Variants in TUBGCP5 observed in about 807,000 individuals in gnomAD.
The protein encoded by TUBGCP5 is gamma-tubulin complex component 5.
A neutral mutation model predicts 134.7 loss-of-function variants in TUBGCP5; 98 were observed. That is an observed-to-expected ratio of 0.73 (90% CI 0.62 to 0.86). TUBGCP5 has a LOEUF of 0.86. Ranked by LOEUF, TUBGCP5 falls within the 40% of genes least tolerant of loss-of-function variation. The pLI is 0.00. For missense variants in TUBGCP5, 1,150 were observed against 1,244.8 expected (o/e 0.92, Z 1.15); for synonymous variants, 456 against 431.4 (o/e 1.06, Z -0.71).
Position 23,022,099 on chromosome 15 carries a change from C to G in TUBGCP5, c.1231G>C (p.Val411Leu). ...CCAGTACTAAACACTTTGTGCAGAACCTTGAGCTGAGACAATCGAGGTGCC... is the reference window on the plus strand; with the variant it reads ...CCAGTACTAAACACTTTGTGCAGAAGCTTGAGCTGAGACAATCGAGGTGCC... Reference protein sequence around the residue: ...KLAPRLSQLKVLHKVFSTGVA... With the variant: ...KLAPRLSQLKLLHKVFSTGVA... Residue 411 changes from valine to leucine, a missense_variant, in exon 11 of 23, where the codon GTT (valine) becomes CTT (leucine). Transcript: ENST00000615383. The G allele has an allele frequency of 6.2e-7, 1 of 1,614,192 alleles. No individual in the cohort carries two copies. Among genetic ancestry groups the G allele is most frequent in the Non-Finnish European group, 8.5e-7 (1 of 1,180,034 alleles).
chr15:23,028,363 G>C (rs1307216458), intron 6 of TUBGCP5, among the ~76,000 whole-genome samples: 1 of 125,756 alleles, frequency 8.0e-6, no homozygotes, highest in African/African-American at 3.2e-5. Flanking sequence ...CTGGGTGACA[G>C]AGCAGGGCCC....
In TUBGCP5 at chr15:23,022,159, T is replaced by C. The variant is rs1373977174; in HGVS notation, c.1171A>G (p.Thr391Ala). The C allele has an allele frequency of 1.2e-6, 2 of 1,613,804 alleles. No homozygotes were observed. The highest frequency in any genetic ancestry group is 2.7e-5 in the African/African-American group (2 of 75,038). Reference protein sequence around the residue: ...EIEKCIINNDTTITLAIVVDK... With the variant: ...EIEKCIINNDATITLAIVVDK... ...ACCACTATTGCAAGAGTTATTGTAG[T>C]ATCTGCAAATATCAATAAATCAAAC... Residue 391 changes from threonine to alanine, a missense_variant and splice_region_variant, in exon 11 of 23, where the codon ACT becomes GCT. By Grantham distance (58) the Thr-to-Ala change is moderately conservative. Coordinates refer to ENST00000615383, the MANE Select transcript of TUBGCP5 (RefSeq NM_052903.6).
intron 6 of TUBGCP5, among the ~76,000 whole-genome samples, chr15:23,029,514 C>T (rs2066178481): frequency 6.6e-6 from 1 of 152,162 alleles, no homozygotes; most frequent in Non-Finnish European, 1.5e-5. Context: ...AGCCACTGCA[C>T]CTGGCCTTTT....
At chr15:23,001,497 C>T (rs1595816077) in intron 21 of TUBGCP5, among the ~76,000 whole-genome samples, 1 of 151,628 alleles carries the variant, frequency 6.6e-6, no homozygotes, top group Non-Finnish European at 1.5e-5. Context: ...GCATGCACCA[C>T]CACGCCTGGC....
At chr15:23,015,985 C>A (rs2065290388) in intron 13 of TUBGCP5, among the ~76,000 whole-genome samples, 1 of 152,076 alleles carries the variant, frequency 6.6e-6, no homozygotes, top group South Asian at 2.1e-4. Context: ...CCCAAGAAAA[C>A]CAATAATTCT....
intron 11 of TUBGCP5, among the ~76,000 whole-genome samples, chr15:23,021,665 T>C (rs1161026567): frequency 6.6e-6 from 1 of 152,240 alleles, no homozygotes; most frequent in African/African-American, 2.4e-5. Context: ...CTATCTCATG[T>C]CATGTTAGTT....
chr15:23,027,236 C>A lies in TUBGCP5; in HGVS notation c.693G>T (p.Gln231His), dbSNP rs73409389. Residue 231 changes from glutamine to histidine, a missense_variant, in exon 7 of 23, where the codon CAG becomes CAT. Physicochemically the swap from Gln to His is conservative, Grantham distance 24. Coordinates refer to ENST00000615383, the MANE Select transcript of TUBGCP5 (RefSeq NM_052903.6). ...AGTGCAAATGTAAACTATGAGGAAA[C>A]TGGGAGGGCCTGGCTGTCCAGTACT... Reference protein sequence around the residue: ...VHQYWTARPSQFPHSLHLHSN... With the variant: ...VHQYWTARPSHFPHSLHLHSN... The A allele has an allele frequency of 0.013, 21,269 of 1,613,828 alleles. 883 individuals are homozygous for A. In the African/African-American group the frequency reaches 0.14, roughly 11 times the overall value.
At chr15:23,030,861 C>T (rs754598566) in intron 6 of TUBGCP5, 24 bp downstream of exon 6, 24 of 1,597,504 alleles carry the variant, frequency 1.5e-5, no homozygotes, top group African/African-American at 6.8e-5. Context: ...TTAGAAAATG[C>T]GAGCACCTCA....
intron 4 of TUBGCP5, 54 bp downstream of exon 4, chr15:23,032,674 T>C: frequency 2.4e-6 from 3 of 1,262,098 alleles, no homozygotes; most frequent in Non-Finnish European, 3.3e-6. Flanking sequence ...AGCAACTAAG[T>C]AATCAAACAA....
intron 4 of TUBGCP5, among the ~76,000 whole-genome samples, chr15:23,032,510 G>T (rs943780581): frequency 5.9e-5 from 9 of 152,050 alleles, no homozygotes; most frequent in East Asian, 3.9e-4. Flanking sequence ...GAATATTTTT[G>T]ATCTGTAGTT....
intron 21 of TUBGCP5, among the ~76,000 whole-genome samples, chr15:23,001,435 C>T (rs983852821): frequency 6.6e-6 from 1 of 151,708 alleles, no homozygotes; most frequent in Admixed American, 6.6e-5. Flanking sequence ...ACCTCTGCCT[C>T]CTGGGTTCAG....
chr15:23,029,748 G>A (rs114491379), intron 6 of TUBGCP5, among the ~76,000 whole-genome samples: 5,751 of 152,094 alleles, frequency 0.038, 374 homozygotes, highest in African/African-American at 0.13. Context: ...GCTGAGTGTG[G>A]TACACGCCTG....
At chr15:23,027,429 T>TATTTAAA in intron 6 of TUBGCP5, 123 bp from the exon 7 acceptor site, 16 of 704,394 alleles carry the variant, frequency 2.3e-5, no homozygotes, top group Admixed American at 5.1e-5. Flanking sequence ...AACAGCTACC[T>TATTTAAA]AACATTTATG....
intron 9 of TUBGCP5, 33 bp downstream of exon 9, chr15:23,024,704 T>C (rs779864573): frequency 8.8e-7 from 1 of 1,140,140 alleles, no homozygotes; most frequent in East Asian, 2.6e-5. Flanking sequence ...ATAAATCCTA[T>C]TTCTTAAATT....
intron 15 of TUBGCP5, among the ~76,000 whole-genome samples, chr15:23,009,304 TGTCGCCCAGGCTGGAGTGCA>T (rs1244347813): frequency 6.6e-6 from 1 of 151,618 alleles, no homozygotes; most frequent in Non-Finnish European, 1.5e-5. Context: ...AGTCTTGCTC[TGTCGCCCAGGCTGGAGTGCA>T]GTGGCCCGAT....
At chr15:23,002,526 T>C (rs1221569744) in intron 21 of TUBGCP5, among the ~76,000 whole-genome samples, 2 of 152,236 alleles carry the variant, frequency 1.3e-5, no homozygotes, top group East Asian at 3.8e-4. Context: ...CACTTGCCTA[T>C]GTGATGTGTG....
Position 23,008,800 on chromosome 15 carries a change from A to G in TUBGCP5, c.2226T>C (p.Ile742=). The G allele has an allele frequency of 1.2e-6, 2 of 1,602,840 alleles. No individual in the cohort carries two copies. The highest frequency in any genetic ancestry group is 1.7e-6 in the Non-Finnish European group (2 of 1,177,576). Residue 742 remains isoleucine, a synonymous_variant, in exon 16 of 23, where the codon ATT becomes ATC. Coordinates refer to ENST00000615383, the MANE Select transcript of TUBGCP5 (RefSeq NM_052903.6). ...GDTMYDFYTS[I]FDKIREKETW... is the part of the protein sequence containing the mutation. ...TTTCCTTTTCTCTTATTTTATCAAA[A>G]ATTGACGTGTAGAAGTCATACATGG... is the stretch of plus-strand genomic sequence containing the variant.
At position 23,010,095 on chromosome 15, in the gene TUBGCP5, G is replaced by C; in HGVS notation, c.1994C>G (p.Ala665Gly). ...LEQSDFHEKF[A>G]GGDVCVDRSS... ...TCTATCCACACATACATCACCACCA[G>C]CAAACTTCTCGTGAAAGTCACTCTG... Residue 665 changes from alanine (A) to glycine (G), a missense_variant, in exon 15 of 23, where the codon GCT becomes GGT. Physicochemically the swap from Ala to Gly is moderately conservative, Grantham distance 60. Around this residue, in one of 2 missense-constraint regions of TUBGCP5, gnomAD observed 697 missense variants for 850.1 expected, o/e 0.82. Coordinates refer to ENST00000615383, the MANE Select transcript of TUBGCP5 (RefSeq NM_052903.6). 3.7e-6 allele frequency: 6 copies of C among 1,613,794 alleles called. No homozygotes were observed. The highest frequency in any genetic ancestry group is 5.1e-6 in the Non-Finnish European group (6 of 1,179,848).
At chr15:22,986,266 A>G (rs907818276) in intron 23 of TUBGCP5, among the ~76,000 whole-genome samples, 1 of 152,136 alleles carries the variant, frequency 6.6e-6, no homozygotes, top group African/African-American at 2.4e-5. Context: ...ATGGAAAACA[A>G]TATGATGAAA....
Sources: allele counts gnomAD v4.1 joint callset (sites outside exome capture counted in the v4.1 genomes callset), GRCh38; gene constraint gnomAD v4.1.1; regional missense constraint gnomAD v4.1.1; transcripts MANE v1.5; gene names NCBI Gene and HGNC (gene_info 2026-07-23, HGNC 2026-07-21).